Variants in HR observed in about 807,000 individuals in gnomAD.
HR encodes HR lysine demethylase and nuclear receptor corepressor.
Under a neutral mutation model 128.6 loss-of-function variants are expected in HR, and 83 were observed. The observed-to-expected ratio is 0.65, with a 90% CI of 0.54 to 0.77. HR has a LOEUF of 0.77. HR is among the 30% of genes least tolerant of loss of function. The pLI is 0.00. For synonymous variants in HR, 681 were observed against 658.2 expected (o/e 1.03, Z -0.53); for missense variants, 1,490 against 1,574.6 (o/e 0.95, Z 0.91).
At chr8:22,130,273 T>A (rs1292466814) in intron 1 of HR, among the ~76,000 whole-genome samples, 155 bp downstream of exon 1, 1 of 152,186 alleles carries the variant, frequency 6.6e-6, no homozygotes, top group Non-Finnish European at 1.5e-5. Context: ...CGCTCCGCCG[T>A]GGTCTGGCCG....
chr8:22,128,837 C>T lies in HR; in HGVS notation c.334G>A (p.Gly112Arg), dbSNP rs376266372. ...CCACAGCGAGGTGGGCACGCTGGCC[C>T]GCAGAATGCCAGCGGATGGGTAAGC... ...AMLTHPLAFC[G>R]PACPPRCGPL... Residue 112 changes from glycine to arginine, a missense_variant, in exon 2 of 19, where the codon GGG becomes AGG. By Grantham distance (125) the Gly-to-Arg change is moderately radical (BLOSUM62 -2). This residue lies in a region of HR where 1,060 missense variants were observed against 1,060.9 expected (regional missense o/e 1.00). Coordinates refer to ENST00000381418, the MANE Select transcript of HR (RefSeq NM_005144.5). 1.5e-5 allele frequency: 25 copies of T among 1,613,398 alleles called. No individual in the cohort carries two copies. Among genetic ancestry groups the T allele is most frequent in the African/African-American group, 1.1e-4 (8 of 75,066 alleles).
In HR at chr8:22,127,374, G is replaced by T. The variant is rs574234131; in HGVS notation, c.1068C>A (p.Ser356Arg). Reference protein sequence around the residue: ...EGLEGGASGASEPSEEVNKAS... With the variant: ...EGLEGGASGAREPSEEVNKAS... Reference sequence around the variant, plus strand: ...CCTTGTTCACTTCCTCGCTGGGTTCGCTGGCTCCACTGGCACCCCCCTCCA... The same window carrying T: ...CCTTGTTCACTTCCTCGCTGGGTTCTCTGGCTCCACTGGCACCCCCCTCCA... Residue 356 changes from serine (S) to arginine (R), a missense_variant, in exon 3 of 19, where the codon AGC becomes AGA. Ser to Arg is a moderately radical substitution (Grantham distance 110). Transcript: ENST00000381418. The T allele has an allele frequency of 1.9e-6, 3 of 1,613,248 alleles. No homozygotes were observed. The highest frequency in any genetic ancestry group is 2.7e-5 in the African/African-American group (2 of 74,906).
In HR at chr8:22,121,053, G is replaced by A. The variant is rs1826737469; in HGVS notation, c.2367+12C>T. On this transcript the variant is annotated intron_variant, in intron 10 of 18. Coordinates refer to ENST00000381418, the MANE Select transcript of HR (RefSeq NM_005144.5). ...CCCTGGCTCCTAGCCCTCCCTCCGT[G>A]CCCTCACTCACACTGGGCAGGGCCG... is the stretch of plus-strand genomic sequence containing the variant. 1.2e-6 allele frequency: 2 copies of A among 1,613,496 alleles called. No homozygotes were observed. Among genetic ancestry groups the A allele is most frequent in the Non-Finnish European group, 8.5e-7 (1 of 1,179,964 alleles).
At position 22,127,064 on chromosome 8, in the gene HR, C is replaced by T; in HGVS notation, c.1378G>A (p.Asp460Asn). 6.2e-7 allele frequency: 1 copy of T among 1,612,400 alleles called. No individual in the cohort carries two copies. The highest frequency in any genetic ancestry group is 8.5e-7 in the Non-Finnish European group (1 of 1,179,720). ...RDTSIGNKDV[D>N]SGQHDEQKGP... is the part of the protein sequence containing the mutation. ...TTCTGCTCATCATGCTGTCCCGAGT[C>T]CACATCCTTGTTCCCTATCGATGTG... The change falls in exon 3 of 19, where the codon GAC becomes AAC. Residue 460 changes from aspartate to asparagine, a missense_variant. This residue lies in a region of HR where 1,060 missense variants were observed against 1,060.9 expected (regional missense o/e 1.00). Coordinates refer to ENST00000381418, the MANE Select transcript of HR (RefSeq NM_005144.5).
At chr8:22,119,099 G>A (rs201289098) in intron 15 of HR, 34 bp from the exon 16 acceptor site, 2 of 1,613,578 alleles carry the variant, frequency 1.2e-6, no homozygotes, top group South Asian at 2.2e-5. Context: ...CAGGCCCAGG[G>A]CTGGTGGCGA....
chr8:22,121,372 G>A, intron 9 of HR, 144 bp from the exon 10 acceptor site: 1 of 1,149,422 alleles, frequency 8.7e-7, no homozygotes, highest in South Asian at 1.5e-5. Flanking sequence ...CTCTGCTCTG[G>A]GTCTCCCCGC....
chr8:22,123,617 T>TAAC, intron 6 of HR, 32 bp downstream of exon 6: 1 of 292,092 alleles, frequency 3.4e-6, no homozygotes, highest in Non-Finnish European at 6.2e-6. Flanking sequence ...GAGGGCTCCA[T>TAAC]CCCGCCCTCC....
At position 22,116,323 on chromosome 8, in the gene HR, CAG is replaced by C; in HGVS notation, c.3482_3483del (p.Pro1161ArgfsTer33). The C allele has an allele frequency of 4.3e-6, 7 of 1,612,478 alleles. No homozygotes were observed. Among genetic ancestry groups the C allele is most frequent in the Non-Finnish European group, 5.9e-6 (7 of 1,179,874 alleles). On this transcript the variant is annotated frameshift_variant, in exon 18 of 19. Transcript: ENST00000381418. LOFTEE classifies it high-confidence loss of function. The surrounding 1 kb of genome is among the most constrained non-coding windows in gnomAD (Gnocchi z 4.2). ...QLCHQGPSLP[P>X]DCHLLYAQMD... The stretch of plus-strand genomic sequence containing the variant: ...ACCTGGGCATAAAGCAGGTGGCAGT[CAG>C]GGGGAAGGCTGGGTCCCTGGTGGCA...
Position 22,122,587 on chromosome 8 carries a change from G to A in HR, c.2027C>T (p.Ala676Val). 1 of 1,611,532 alleles carries A rather than the reference G, an allele frequency of 6.2e-7. No individual in the cohort carries two copies. Among genetic ancestry groups the A allele is most frequent in the South Asian group, 1.1e-5 (1 of 90,668 alleles). Residue 676 changes from alanine to valine, a missense_variant, in exon 8 of 19, where the codon GCA becomes GTA. By Grantham distance (64) the Ala-to-Val change is moderately conservative. This residue lies in a region of HR where 1,060 missense variants were observed against 1,060.9 expected (regional missense o/e 1.00). Transcript: ENST00000381418. ...SSQALAELST[A>V]MHQVWVKFDI... ...AAACTTGACCCAGACCTGGTGCATT[G>A]CAGTGCTCAGCTCTGCCAAAGCTGG...
chr8:22,130,334 G>C (rs1827017838), intron 1 of HR, 94 bp downstream of exon 1: 1 of 152,290 alleles, frequency 6.6e-6, no homozygotes, highest in South Asian at 2.1e-4. Flanking sequence ...CAGCCCACAG[G>C]GGCACGGGGA....
chr8:22,123,617 T>TTGGGGGGGGC, intron 6 of HR, 32 bp downstream of exon 6: 5 of 292,092 alleles, frequency 1.7e-5, no homozygotes, highest in Admixed American at 5.0e-5. Context: ...GAGGGCTCCA[T>TTGGGGGGGGC]CCCGCCCTCC....
intron 16 of HR, chr8:22,118,016 C>A (rs1314971390): frequency 6.6e-6 from 1 of 152,226 alleles, no homozygotes; most frequent in Non-Finnish European, 1.5e-5. Context: ...GTAGTGACTG[C>A]CCACGGCCAG....
chr8:22,125,738 G>C lies in HR; in HGVS notation c.1406-6C>G. 2 of 1,613,548 alleles carry C rather than the reference G, an allele frequency of 1.2e-6. No homozygotes were observed. The highest frequency in any genetic ancestry group is 1.7e-6 in the Non-Finnish European group (2 of 1,179,986). ...GGCCTGGCCATCTTGGGGTCCTGAGGGGACAATGCAGAGGTCAGGAATCTG... is the reference window on the plus strand; with the variant it reads ...GGCCTGGCCATCTTGGGGTCCTGAGCGGACAATGCAGAGGTCAGGAATCTG... On this transcript the variant is annotated splice_region_variant and splice_polypyrimidine_tract_variant and intron_variant, in intron 3 of 18. Transcript: ENST00000381418.
intron 5 of HR, 90 bp downstream of exon 5, chr8:22,125,221 T>C: frequency 7.3e-7 from 1 of 1,373,666 alleles, no homozygotes; most frequent in Non-Finnish European, 1.0e-6. Context: ...GCCTTAGGTC[T>C]AGGAGCTGGC....
Position 22,122,670 on chromosome 8 carries a change from C to T in HR, c.2006-62G>A, listed in dbSNP as rs945007953. 6.7e-6 allele frequency: 10 copies of T among 1,503,224 alleles called. No individual in the cohort carries two copies. The East Asian group carries it at 9.6e-5, about 14-fold the overall frequency. The allele number at this position is 1,503,224 out of a possible 1,614,324, so 93.1% of individuals were successfully genotyped here. ...GTGAGTGTAGACCAACAGGCAGTCC[C>T]GGGCAGCTTGGCCTTGCCAAGCAGA... On this transcript the variant is annotated intron_variant, in intron 7 of 18. Coordinates refer to ENST00000381418, the MANE Select transcript of HR (RefSeq NM_005144.5).
Position 22,128,623 on chromosome 8 carries a change from G to A in HR, c.548C>T (p.Pro183Leu), listed in dbSNP as rs573458094. 1.5e-5 allele frequency: 24 copies of A among 1,602,904 alleles called. 1 individual carries two copies. The highest frequency in any genetic ancestry group is 1.1e-4 in the South Asian group (10 of 89,196). Residue 183 changes from proline (P) to leucine (L), a missense_variant, in exon 2 of 19, where the codon CCG (proline) becomes CTG (leucine). Physicochemically the swap from Pro to Leu is moderately conservative, Grantham distance 98. Transcript: ENST00000381418. ...GCCCCCGGAGTATACCCAGGGGTGC[G>A]GGGTCAGGGGCCAGTCACATGGATG... is the stretch of plus-strand genomic sequence containing the variant. ...PEHPCDWPLT[P>L]HPWVYSGGQP...
At chr8:22,123,617 T>TTGC in intron 6 of HR, 32 bp downstream of exon 6, 2 of 292,090 alleles carry the variant, frequency 6.8e-6, no homozygotes, top group Non-Finnish European at 1.2e-5. Flanking sequence ...GAGGGCTCCA[T>TTGC]CCCGCCCTCC....
intron 8 of HR, 152 bp from the exon 9 acceptor site, chr8:22,121,846 T>A: frequency 2.6e-6 from 2 of 781,052 alleles, no homozygotes; most frequent in East Asian, 5.4e-5. Context: ...TAACATTAGG[T>A]GGAAAAAAGT....
intron 7 of HR, 59 bp from the exon 8 acceptor site, chr8:22,122,667 T>G: frequency 6.7e-7 from 1 of 1,502,720 alleles, no homozygotes; most frequent in Non-Finnish European, 9.1e-7. Context: ...CAACAGGCAG[T>G]CCCGGGCAGC....
Sources: gnomAD v4.1 joint callset for allele counts (sites outside exome capture counted in the v4.1 genomes callset) on GRCh38, gnomAD v4.1.1 for gene constraint, gnomAD v4.1.1 regional missense constraint, Gnocchi (gnomAD v3.1) non-coding constraint, MANE v1.5 for transcripts, NCBI Gene and HGNC (gene_info 2026-07-23, HGNC 2026-07-21) for gene names.